Variants in NKIRAS1 observed in about 807,000 individuals in gnomAD.
NKIRAS1 encodes NFKB inhibitor interacting Ras like 1, also known as NF-kappa-B inhibitor-interacting Ras-like protein 1.
In NKIRAS1, 16 loss-of-function variants were observed where a neutral mutation model predicts 19.8. That is an observed-to-expected ratio of 0.81 (90% CI 0.55 to 1.23). The LOEUF (loss-of-function observed/expected upper bound fraction) is 1.23, where lower values mean the gene tolerates loss of function less well. Ranked by LOEUF, NKIRAS1 falls within the 50% of genes most tolerant of loss-of-function variation. NKIRAS1 has a pLI of 0.00. For missense variants in NKIRAS1, 184 were observed against 220.0 expected (o/e 0.84, Z 1.04); for synonymous variants, 88 against 79.0 (o/e 1.11, Z -0.61).
At chr3:23,942,774 C>A (rs1705529612) in intron 1 of NKIRAS1, among the ~76,000 whole-genome samples, 2 of 151,872 alleles carry the variant, frequency 1.3e-5, no homozygotes, top group African/African-American at 4.8e-5. Context: ...GAGACGGGAT[C>A]TCCTTGCTCT....
chr3:23,920,687 A>T (rs1428323169), upstream of NKIRAS1: 5 of 985,172 alleles, frequency 5.1e-6, no homozygotes, highest in Non-Finnish European at 6.0e-6. Context: ...GGGTTTCAAA[A>T]GACTCAGTTA....
intron 1 of NKIRAS1, among the ~76,000 whole-genome samples, chr3:23,941,653 C>T (rs2125271888): frequency 6.6e-6 from 1 of 152,172 alleles, no homozygotes; most frequent in South Asian, 2.1e-4. Context: ...GGGTACTGCC[C>T]AACCAGAGGA....
In NKIRAS1 at chr3:23,900,811, T is replaced by C; in HGVS notation, c.333A>G (p.Lys111=). Residue 111 remains lysine, a synonymous_variant, in exon 4 of 5, where the codon AAA becomes AAG. Coordinates refer to ENST00000425478, the MANE Select transcript of NKIRAS1 (RefSeq NM_020345.4). ...KKEIDKFKDK[K]EVAIVVLGNK... ...CATTTTTAACATATCCACTTGCCTC[T>C]TTTTTGTCTTTGAACTTATCGATTT... 3 of 1,612,250 alleles carry C rather than the reference T, an allele frequency of 1.9e-6. No individual in the cohort carries two copies. The highest frequency in any genetic ancestry group is 1.1e-5 in the South Asian group (1 of 90,958).
In NKIRAS1 at chr3:23,907,618, T is replaced by C. The variant is rs182873518; in HGVS notation, c.94+3193A>G. Among the ~76,000 whole-genome samples the C allele has an allele frequency of 8.8e-3, 1,337 of 152,352 alleles. 6 individuals carry two copies. Among genetic ancestry groups the C allele is most frequent in the Middle Eastern group, 0.017 (5 of 294 alleles). ...AGTGGTGGGTAAAACTGCCGGTACC[T>C]TAGTGCAAATCGAGTCAGTGGCACT... On this transcript the variant is annotated intron_variant, in intron 3 of 4. Coordinates refer to ENST00000425478, the MANE Select transcript of NKIRAS1 (RefSeq NM_020345.4).
At chr3:23,896,773 A>C (rs1221962683) in intron 4 of NKIRAS1, among the ~76,000 whole-genome samples, 3 of 152,000 alleles carry the variant, frequency 2.0e-5, no homozygotes, top group Non-Finnish European at 4.4e-5. Flanking sequence ...CAGGAGTTCA[A>C]GACTAGCCTG....
chr3:23,943,062 ACT>A (rs1383370785), intron 1 of NKIRAS1, among the ~76,000 whole-genome samples: 1 of 151,368 alleles, frequency 6.6e-6, no homozygotes, highest in Non-Finnish European at 1.5e-5. Flanking sequence ...GCCAGGGCTC[ACT>A]CTTGACGTTG....
intron 1 of NKIRAS1, among the ~76,000 whole-genome samples, chr3:23,915,216 G>A (rs1302576747): frequency 6.6e-6 from 1 of 152,110 alleles, no homozygotes; most frequent in Non-Finnish European, 1.5e-5. Flanking sequence ...GAGGACAGAA[G>A]GTGTAATTGG....
In NKIRAS1 at chr3:23,922,768, C is replaced by G. The variant is rs1346908777; in HGVS notation, c.-139-11318G>C. On this transcript the variant is annotated intron_variant, in intron 1 of 4. Coordinates refer to the NKIRAS1 transcript ENST00000421515. This position sits in a 1 kb window ranked among gnomAD's most constrained non-coding sequence, Gnocchi z 4.2. ...GGCTCTACAGTACAAACCCTTCTGCCTCCTAGTTCCTCTCCCTGGAGGCAA... is the reference window on the plus strand; with the variant it reads ...GGCTCTACAGTACAAACCCTTCTGCGTCCTAGTTCCTCTCCCTGGAGGCAA... 1 of 152,168 alleles carries G rather than the reference C, an allele frequency of 6.6e-6. No homozygotes were observed. Among genetic ancestry groups the G allele is most frequent in the African/African-American group, 2.4e-5 (1 of 41,432 alleles). 9.4% of individuals were successfully genotyped at this position (152,168 alleles called of 1,614,324 possible). A position where few individuals can be genotyped will look rare whatever the true frequency, so the allele number is the denominator to read the frequency against.
rs894164529 is a variant in NKIRAS1, at chr3:23,926,248, C to T, written c.-139-14798G>A. Among the ~76,000 whole-genome samples, 13 of 152,112 alleles carry T rather than the reference C, an allele frequency of 8.5e-5. No individual in the cohort carries two copies. Among genetic ancestry groups the T allele is most frequent in the Admixed American group, 2.0e-4 (3 of 15,262 alleles). On this transcript the variant is annotated intron_variant, in intron 1 of 4. Coordinates refer to the NKIRAS1 transcript ENST00000421515. This position sits in a 1 kb window ranked among gnomAD's most constrained non-coding sequence, Gnocchi z 4.3. ...TGTGTTTTTAGTAGAGACAGGGTTT[C>T]GCCGTGTTGGCCAGGCTGGTCTCAA...
intron 1 of NKIRAS1, among the ~76,000 whole-genome samples, chr3:23,913,080 T>C (rs932303399): frequency 1.4e-5 from 2 of 145,422 alleles, no homozygotes; most frequent in Non-Finnish European, 3.0e-5. Flanking sequence ...ACACTACAAA[T>C]GTACTTTGAT....
upstream of NKIRAS1, chr3:23,921,705 G>A: frequency 4.7e-6 from 3 of 643,248 alleles, no homozygotes; most frequent in South Asian, 3.4e-5. Flanking sequence ...CTCCCAAATA[G>A]CCAGGACTAC....
chr3:23,940,206 G>A (rs1408022098), intron 1 of NKIRAS1, among the ~76,000 whole-genome samples: 1 of 151,038 alleles, frequency 6.6e-6, no homozygotes, highest in Non-Finnish European at 1.5e-5. Flanking sequence ...AATTACTGGG[G>A]TGTGGTGGTA....
At chr3:23,939,273 A>C (rs1026461978) in intron 1 of NKIRAS1, among the ~76,000 whole-genome samples, 2 of 152,248 alleles carry the variant, frequency 1.3e-5, no homozygotes, top group African/African-American at 2.4e-5. Flanking sequence ...TGAGAAAAAT[A>C]AGATAAAAAT....
At chr3:23,901,927 G>T (rs777567406) in intron 3 of NKIRAS1, among the ~76,000 whole-genome samples, 1 of 152,128 alleles carries the variant, frequency 6.6e-6, no homozygotes, top group Non-Finnish European at 1.5e-5. Flanking sequence ...ACAAAAATTC[G>T]CTGGGTGTGG....
intron 1 of NKIRAS1, among the ~76,000 whole-genome samples, chr3:23,939,570 C>G (rs138721887): frequency 6.6e-6 from 1 of 152,096 alleles, no homozygotes; most frequent in Admixed American, 6.5e-5. Context: ...GGTAAAACCC[C>G]GTCTCTATTA....
At chr3:23,917,778 T>C, upstream of NKIRAS1, 1 of 1,442,502 alleles carries the variant, frequency 6.9e-7, no homozygotes, top group East Asian at 2.3e-5. Flanking sequence ...GTTGGGGAAC[T>C]AAGATGGACG....
intron 1 of NKIRAS1, among the ~76,000 whole-genome samples, chr3:23,937,668 G>C (rs1705419568): frequency 6.6e-6 from 1 of 151,472 alleles, no homozygotes; most frequent in Non-Finnish European, 1.5e-5. Context: ...TTGTTGAACT[G>C]TCATGCAACT....
chr3:23,918,543 A>G (rs1413733300), upstream of NKIRAS1: 3 of 1,614,028 alleles, frequency 1.9e-6, no homozygotes, highest in East Asian at 2.2e-5. Context: ...TTAACCAGCT[A>G]AAGTTTGCTC....
At chr3:23,941,002 A>T (rs1300874364) in intron 1 of NKIRAS1, among the ~76,000 whole-genome samples, 1 of 152,242 alleles carries the variant, frequency 6.6e-6, no homozygotes, top group Non-Finnish European at 1.5e-5. Flanking sequence ...GTAGATCTTG[A>T]TATAGTCCAC....
Sources: gnomAD v4.1 joint callset for allele counts (sites outside exome capture counted in the v4.1 genomes callset) on GRCh38, gnomAD v4.1.1 for gene constraint, Gnocchi (gnomAD v3.1) non-coding constraint, MANE v1.5 for transcripts, NCBI Gene and HGNC (gene_info 2026-07-23, HGNC 2026-07-21) for gene names.